The following GPC6 variants were observed in gnomAD, a reference collection of about 807,000 sequenced individuals.
The protein encoded by GPC6 is glypican-6.
A neutral mutation model predicts 55.2 loss-of-function variants in GPC6; 14 were observed. That is an observed-to-expected ratio of 0.25 (90% CI 0.17 to 0.40). GPC6 has a LOEUF of 0.40. Among genes scored for constraint, GPC6 ranks in the 10% least tolerant of loss-of-function variants. The probability of loss-of-function intolerance (pLI) is 1.00; values close to 1 mark genes in which losing one functional copy is unlikely to be tolerated. For missense variants in GPC6, 641 were observed against 708.5 expected (o/e 0.90, Z 1.08); for synonymous variants, 278 against 259.6 (o/e 1.07, Z -0.68).
At chr13:94,118,546 G>T (rs147781146) in intron 4 of GPC6, among the ~76,000 whole-genome samples, 1 of 152,016 alleles carries the variant, frequency 6.6e-6, no homozygotes, top group Non-Finnish European at 1.5e-5. Flanking sequence ...ATCATTTCAT[G>T]TGAACATATG....
intron 3 of GPC6, chr13:93,836,230 A>G (rs978409095): frequency 6.6e-6 from 1 of 152,224 alleles, no homozygotes; most frequent in Non-Finnish European, 1.5e-5. Context: ...TTAATGAAAT[A>G]GAGGTTATCA....
At chr13:93,760,600 A>G (rs568314243) in intron 2 of GPC6, among the ~76,000 whole-genome samples, 1 of 152,304 alleles carries the variant, frequency 6.6e-6, no homozygotes, top group African/African-American at 2.4e-5. Context: ...CTATCTAAAA[A>G]TGCCATGTCA....
In GPC6 at chr13:94,052,357, A is replaced by G. The variant is rs145888244; in HGVS notation, c.877+24463A>G. 2.0e-3 allele frequency among the ~76,000 whole-genome samples: 302 copies of G among 152,332 alleles called. 2 individuals are homozygous for G. The highest frequency in any genetic ancestry group is 7.1e-3 in the African/African-American group (296 of 41,590). On this transcript the variant is annotated intron_variant, in intron 4 of 8. Transcript: ENST00000377047. ...GTCTAAAAAATGGTCTAACTAAACC[A>G]TAGCATGTAGAGGTGGGTTGGCAGG...
chr13:93,793,361 T>G (rs1886104145), intron 2 of GPC6, among the ~76,000 whole-genome samples: 1 of 152,216 alleles, frequency 6.6e-6, no homozygotes, highest in Non-Finnish European at 1.5e-5. Context: ...GATACTAAAC[T>G]ATTCATGCTC....
At chr13:93,422,245 T>C (rs868355890) in intron 1 of GPC6, among the ~76,000 whole-genome samples, 1 of 152,166 alleles carries the variant, frequency 6.6e-6, no homozygotes, top group Non-Finnish European at 1.5e-5. Context: ...CCTCGAAATA[T>C]GAAATCAGCA....
intron 4 of GPC6, among the ~76,000 whole-genome samples, chr13:94,272,463 C>CTTTTTTTTTTT (rs555664508): frequency 7.6e-4 from 65 of 85,738 alleles, no homozygotes; most frequent in Non-Finnish European, 9.8e-4. Context: ...CTTTTCTTTT[C>CTTTTTTTTTTT]TTTTTTTTTT....
At chr13:93,932,273 T>C (rs1878216917) in intron 3 of GPC6, among the ~76,000 whole-genome samples, 1 of 152,142 alleles carries the variant, frequency 6.6e-6, no homozygotes, top group African/African-American at 2.4e-5. Flanking sequence ...TAAAAATGAA[T>C]AGGCTAGTCA....
intron 4 of GPC6, among the ~76,000 whole-genome samples, chr13:94,242,244 G>A (rs962167383): frequency 6.6e-6 from 1 of 152,038 alleles, no homozygotes; most frequent in Non-Finnish European, 1.5e-5. Context: ...CAAAGGACAT[G>A]AAGTCATCCT....
intron 2 of GPC6, among the ~76,000 whole-genome samples, chr13:93,625,672 C>A (rs1566456144): frequency 6.6e-6 from 1 of 152,188 alleles, no homozygotes; most frequent in Non-Finnish European, 1.5e-5. Flanking sequence ...CTCCTTCTAC[C>A]TCTTTTCCCA....
chr13:94,243,559 C>T (rs1891115917), intron 4 of GPC6, among the ~76,000 whole-genome samples: 2 of 152,106 alleles, frequency 1.3e-5, no homozygotes, highest in African/African-American at 4.8e-5. Flanking sequence ...AACAGTTATA[C>T]TCCTGAGCTT....
chr13:93,754,349 C>T (rs1884698907), intron 2 of GPC6, among the ~76,000 whole-genome samples: 3 of 152,114 alleles, frequency 2.0e-5, no homozygotes. Flanking sequence ...ATTCTCTTTT[C>T]CTACTTACAG....
At chr13:94,332,332 A>T (rs1002390893) in intron 6 of GPC6, among the ~76,000 whole-genome samples, 3 of 152,126 alleles carry the variant, frequency 2.0e-5, no homozygotes, top group Admixed American at 2.0e-4. Context: ...TCTTATTCAA[A>T]TGGTGCTCCT....
At chr13:94,344,585 T>G (rs1361026739) in intron 6 of GPC6, among the ~76,000 whole-genome samples, 3 of 152,384 alleles carry the variant, frequency 2.0e-5, no homozygotes, top group Middle Eastern at 3.4e-3. Flanking sequence ...TCTTCGTGAC[T>G]GGTCATTGCC....
intron 1 of GPC6, among the ~76,000 whole-genome samples, chr13:93,509,865 A>G (rs1040104311): frequency 6.6e-6 from 1 of 152,208 alleles, no homozygotes; most frequent in Non-Finnish European, 1.5e-5. Context: ...TTTGTTTTGC[A>G]TAATAGTTAG....
chr13:94,397,238 A>G (rs773703967), intron 7 of GPC6, among the ~76,000 whole-genome samples: 1 of 152,006 alleles, frequency 6.6e-6, no homozygotes, highest in Non-Finnish European at 1.5e-5. Flanking sequence ...ATGGGAAAAT[A>G]GAAGCAAGCA....
At chr13:93,487,283 C>T (rs751309958) in intron 1 of GPC6, among the ~76,000 whole-genome samples, 7 of 151,928 alleles carry the variant, frequency 4.6e-5, no homozygotes, top group African/African-American at 1.5e-4. Flanking sequence ...CATAGGTAAA[C>T]GTATGTCATA....
chr13:93,241,787 G>A (rs1459614170), intron 1 of GPC6, among the ~76,000 whole-genome samples: 2 of 149,858 alleles, frequency 1.3e-5, no homozygotes, highest in East Asian at 3.9e-4. Flanking sequence ...GGATAGAATT[G>A]TTTCTTCTTA....
At chr13:94,399,187 G>A (rs1594242195) in intron 8 of GPC6, among the ~76,000 whole-genome samples, 1 of 152,186 alleles carries the variant, frequency 6.6e-6, no homozygotes, top group Admixed American at 6.5e-5. Context: ...AGCTATGATA[G>A]TGTCTGGTGG....
chr13:94,272,929 G>A (rs1055326833), intron 4 of GPC6, among the ~76,000 whole-genome samples: 8 of 151,834 alleles, frequency 5.3e-5, no homozygotes, highest in Admixed American at 3.9e-4. Flanking sequence ...CTGGAACTCA[G>A]TGACCTTCTT....
Sources: allele counts gnomAD v4.1 joint callset (sites outside exome capture counted in the v4.1 genomes callset), GRCh38; gene constraint gnomAD v4.1.1; transcripts MANE v1.5; gene names NCBI Gene and HGNC (gene_info 2026-07-23, HGNC 2026-07-21).